Variants in DTNB observed in about 807,000 individuals in gnomAD.
The protein encoded by DTNB is dystrobrevin beta.
In DTNB, 63 loss-of-function variants were observed where a neutral mutation model predicts 90.7. The ratio of observed to expected loss-of-function variants is 0.69; its 90% CI spans 0.57 to 0.86. The LOEUF (loss-of-function observed/expected upper bound fraction) is 0.86, where lower values mean the gene tolerates loss of function less well. Ranked by LOEUF, DTNB falls within the 40% of genes least tolerant of loss-of-function variation. The pLI is 0.00. For missense variants in DTNB, 744 were observed against 807.1 expected, an observed-to-expected ratio of 0.92 and a Z score of 0.95; for synonymous variants, 277 against 286.7, an observed-to-expected ratio of 0.97 and a Z score of 0.34.
intron 9 of DTNB, among the ~76,000 whole-genome samples, chr2:25,489,390 AAAG>A (rs2066892278): frequency 6.6e-6 from 1 of 152,350 alleles, no homozygotes; most frequent in Non-Finnish European, 1.5e-5. Context: ...GAAGTCTTAC[AAAG>A]AAGAAAAATT....
intron 9 of DTNB, among the ~76,000 whole-genome samples, chr2:25,485,367 A>G (rs903908138): frequency 6.6e-6 from 1 of 152,190 alleles, no homozygotes; most frequent in African/African-American, 2.4e-5. Context: ...TGGTATTCTC[A>G]GAGGAAAAAT....
rs968957155 is a variant in DTNB, at chr2:25,434,005, G to A, written c.1258-10C>T. 3.1e-6 allele frequency: 5 copies of A among 1,596,522 alleles called. No individual in the cohort carries two copies. The highest frequency in any genetic ancestry group is 3.4e-6 in the Non-Finnish European group (4 of 1,176,292). ...CAGTGGGAGGACGAGTCTAAAGTGG[G>A]GAAGTCGGGAGAAAGTTTTTTTTTT... On this transcript the variant is annotated splice_polypyrimidine_tract_variant and intron_variant, in intron 12 of 20. Transcript: ENST00000406818.
At chr2:25,633,917 G>C (rs1182008861) in intron 3 of DTNB, among the ~76,000 whole-genome samples, 1 of 151,808 alleles carries the variant, frequency 6.6e-6, no homozygotes, top group African/African-American at 2.4e-5. Flanking sequence ...TCTGAGAAGT[G>C]AGGAGACCCT....
intron 16 of DTNB, among the ~76,000 whole-genome samples, chr2:25,389,740 C>G (rs2040539523): frequency 6.6e-6 from 1 of 152,112 alleles, no homozygotes; most frequent in Non-Finnish European, 1.5e-5. Context: ...TGGCCCTGAA[C>G]AGGTGGACAG....
intron 9 of DTNB, among the ~76,000 whole-genome samples, chr2:25,511,131 T>C (rs1248038049): frequency 6.6e-6 from 1 of 152,152 alleles, no homozygotes; most frequent in Non-Finnish European, 1.5e-5. Flanking sequence ...GCTTATAAAT[T>C]AGAGTGCCCA....
chr2:25,569,079 G>A (rs373961719), intron 8 of DTNB, among the ~76,000 whole-genome samples: 4 of 152,238 alleles, frequency 2.6e-5, no homozygotes, highest in Non-Finnish European at 4.4e-5. Flanking sequence ...AGCAGATCCC[G>A]GCCTTCCCCA....
chr2:25,552,841 A>ATATTTTTTTTTTTTTTTTTTTTTTTTTT (rs1559000907), intron 8 of DTNB, among the ~76,000 whole-genome samples: 1 of 86,036 alleles, frequency 1.2e-5, no homozygotes, highest in Non-Finnish European at 2.3e-5. Context: ...TCTCTTTTTG[A>ATATTTTTTTTTTTTTTTTTTTTTTTTTT]TTTTTTTTTT....
At chr2:25,480,527 C>A (rs999449040) in intron 10 of DTNB, among the ~76,000 whole-genome samples, 2 of 152,170 alleles carry the variant, frequency 1.3e-5, no homozygotes, top group African/African-American at 4.8e-5. Context: ...TAGGCCTCTA[C>A]AGAGGTGGCT....
chr2:25,541,591 C>T (rs929228772), intron 8 of DTNB, among the ~76,000 whole-genome samples: 1 of 152,146 alleles, frequency 6.6e-6, no homozygotes, highest in African/African-American at 2.4e-5. Context: ...CTCAGGAACG[C>T]TTCATCTCAT....
chr2:25,520,872 A>G (rs2076017493), intron 9 of DTNB, among the ~76,000 whole-genome samples: 1 of 152,212 alleles, frequency 6.6e-6, no homozygotes, highest in African/African-American at 2.4e-5. Flanking sequence ...CTGTAATTAC[A>G]GTTTTATAAT....
At chr2:25,605,620 T>G (rs1274513500) in intron 5 of DTNB, among the ~76,000 whole-genome samples, 2 of 152,166 alleles carry the variant, frequency 1.3e-5, no homozygotes, top group Non-Finnish European at 2.9e-5. Flanking sequence ...TTAAAGAAAT[T>G]TAAAGATTCC....
At chr2:25,427,180 A>ACAC (rs564254696) in intron 15 of DTNB, among the ~76,000 whole-genome samples, 1 of 139,570 alleles carries the variant, frequency 7.2e-6, no homozygotes, top group Admixed American at 7.2e-5. Context: ...TCCATCTCAA[A>ACAC]ACACACACAC....
At chr2:25,418,838 A>T in intron 16 of DTNB, among the ~76,000 whole-genome samples, 1 of 152,268 alleles carries the variant, frequency 6.6e-6, no homozygotes, top group East Asian at 1.9e-4. Flanking sequence ...TTATATAAAC[A>T]TATGGTGCTA....
chr2:25,542,549 A>G (rs921244993), intron 8 of DTNB, among the ~76,000 whole-genome samples: 9 of 152,250 alleles, frequency 5.9e-5, no homozygotes, highest in Non-Finnish European at 1.5e-5. Context: ...GAAACTGGGC[A>G]TGCTCATTAC....
Position 25,387,098 on chromosome 2 carries a change from C to T in DTNB, c.1825+191G>A. 3.6e-6 allele frequency: 2 copies of T among 553,558 alleles called. No homozygotes were observed. Among genetic ancestry groups the T allele is most frequent in the Non-Finnish European group, 3.2e-6 (1 of 307,858 alleles). The allele number at this position is 553,558 out of a possible 1,614,324, so 34.3% of individuals were successfully genotyped here. A position where few individuals can be genotyped will look rare whatever the true frequency, so the allele number is the denominator to read the frequency against. On this transcript the variant is annotated intron_variant, in intron 18 of 20. Transcript: ENST00000406818. This position sits in a 1 kb window ranked among gnomAD's most constrained non-coding sequence, Gnocchi z 4.5. ...AGATAGGCCTGAATGTGAAACCGCCCCTACGCGATCCTGTGTGACAGAGGC... is the reference window on the plus strand; with the variant it reads ...AGATAGGCCTGAATGTGAAACCGCCTCTACGCGATCCTGTGTGACAGAGGC...
At chr2:25,471,849 C>T (rs1313576335) in intron 10 of DTNB, among the ~76,000 whole-genome samples, 2 of 146,952 alleles carry the variant, frequency 1.4e-5, no homozygotes, top group Non-Finnish European at 3.0e-5. Flanking sequence ...TCAATCAATG[C>T]TTGGGTTTAA....
At chr2:25,478,623 T>A (rs933877981) in intron 10 of DTNB, among the ~76,000 whole-genome samples, 1 of 151,946 alleles carries the variant, frequency 6.6e-6, no homozygotes, top group Non-Finnish European at 1.5e-5. Flanking sequence ...CAGCCTCAAA[T>A]TCCTGGGATC....
chr2:25,619,097 C>T (rs998880953), intron 4 of DTNB, among the ~76,000 whole-genome samples: 1 of 151,998 alleles, frequency 6.6e-6, no homozygotes, highest in Non-Finnish European at 1.5e-5. Context: ...ATCTGGATGA[C>T]GTTTCTAGCT....
intron 10 of DTNB, among the ~76,000 whole-genome samples, chr2:25,476,760 G>A (rs1388130141): frequency 2.6e-5 from 4 of 152,154 alleles, no homozygotes; most frequent in Non-Finnish European, 5.9e-5. Flanking sequence ...CAAAGAAAGG[G>A]GTTTCTTGAG....
Sources: gnomAD v4.1 joint callset for allele counts (sites outside exome capture counted in the v4.1 genomes callset) on GRCh38, gnomAD v4.1.1 for gene constraint, Gnocchi (gnomAD v3.1) non-coding constraint, MANE v1.5 for transcripts, NCBI Gene and HGNC (gene_info 2026-07-23, HGNC 2026-07-21) for gene names.